Variants in ZDHHC13 observed in about 807,000 individuals in gnomAD.
The protein encoded by ZDHHC13 is palmitoyltransferase ZDHHC13.
ZDHHC13 carries 85 observed loss-of-function variants against 86.0 expected under a neutral mutation model. The observed-to-expected ratio is 0.99, with a 90% CI of 0.83 to 1.18. ZDHHC13 has a LOEUF of 1.18. Among genes scored for constraint, ZDHHC13 ranks in the 50% most tolerant of loss-of-function variants. The probability of loss-of-function intolerance (pLI) is 0.00; values close to 1 mark genes in which losing one functional copy is unlikely to be tolerated. For synonymous variants in ZDHHC13, 263 were observed against 246.4 expected (o/e 1.07, Z -0.63); for missense variants, 711 against 730.2 (o/e 0.97, Z 0.30).
chr11:19,162,930 G>A (rs1044651664), intron 10 of ZDHHC13, among the ~76,000 whole-genome samples: 1 of 152,076 alleles, frequency 6.6e-6, no homozygotes, highest in South Asian at 2.1e-4. Context: ...AATCAAGAGG[G>A]TTGTTTCTTT....
chr11:19,131,303 C>G (rs1848995466), intron 1 of ZDHHC13, among the ~76,000 whole-genome samples: 1 of 152,044 alleles, frequency 6.6e-6, no homozygotes, highest in Non-Finnish European at 1.5e-5. Flanking sequence ...ATTTTAAGAT[C>G]TCTTTATTAC....
At chr11:19,120,374 A>G (rs1312994779) in intron 1 of ZDHHC13, among the ~76,000 whole-genome samples, 1 of 152,232 alleles carries the variant, frequency 6.6e-6, no homozygotes, top group Non-Finnish European at 1.5e-5. Context: ...AACTTTCAGT[A>G]GAGACACCTA....
intron 10 of ZDHHC13, among the ~76,000 whole-genome samples, chr11:19,162,688 A>G (rs1352664377): frequency 1.3e-5 from 2 of 152,130 alleles, no homozygotes; most frequent in Non-Finnish European, 2.9e-5. Flanking sequence ...AAGTTAATCA[A>G]AATAGGAGCC....
intron 16 of ZDHHC13, among the ~76,000 whole-genome samples, chr11:19,174,815 A>G (rs1433371671): frequency 2.0e-5 from 3 of 152,196 alleles, no homozygotes. Context: ...AGGCCCACGC[A>G]TCTATGATCA....
chr11:19,135,692 A>G (rs1223611900), intron 1 of ZDHHC13, among the ~76,000 whole-genome samples: 1 of 152,210 alleles, frequency 6.6e-6, no homozygotes, highest in East Asian at 1.9e-4. Context: ...CTTTGAAGAG[A>G]GCAGTGGTTC....
chr11:19,155,739 A>T, intron 8 of ZDHHC13, 57 bp from the exon 9 acceptor site: 1 of 1,572,102 alleles, frequency 6.4e-7, no homozygotes, highest in South Asian at 1.2e-5. Context: ...TTGCACTATT[A>T]TTAGATACTT....
At chr11:19,139,314 A>T (rs185495420) in intron 1 of ZDHHC13, among the ~76,000 whole-genome samples, 2 of 152,110 alleles carry the variant, frequency 1.3e-5, no homozygotes, top group Admixed American at 1.3e-4. Flanking sequence ...CCCATTCACA[A>T]TTGCTTCAAA....
At chr11:19,125,722 G>A (rs1175615701) in intron 1 of ZDHHC13, among the ~76,000 whole-genome samples, 1 of 152,154 alleles carries the variant, frequency 6.6e-6, no homozygotes, top group Non-Finnish European at 1.5e-5. Context: ...TATCTGTGAC[G>A]CACCCATATA....
chr11:19,173,540 G>C (rs2133489041), intron 16 of ZDHHC13, among the ~76,000 whole-genome samples: 1 of 152,274 alleles, frequency 6.6e-6, no homozygotes. Context: ...TTTAAAGCAT[G>C]CTGTTGGTAC....
rs2133465233 is a variant in ZDHHC13, at chr11:19,165,050, A to C, written c.1297-2A>C. 6.2e-7 allele frequency: 1 copy of C among 1,611,642 alleles called. No homozygotes were observed. Among genetic ancestry groups the C allele is most frequent in the East Asian group, 2.2e-5 (1 of 44,846 alleles). On this transcript the variant is annotated splice_acceptor_variant, in intron 12 of 16. Coordinates refer to ENST00000446113, the MANE Select transcript of ZDHHC13 (RefSeq NM_019028.3). LOFTEE classifies it high-confidence loss of function. ...TTAGGCCTCTCTTAATTGCCCACTT[A>C]GATAAGGAAGCCATTAAGGTCACTC... is the stretch of plus-strand genomic sequence containing the variant.
At chr11:19,139,183 A>G (rs1391921948) in intron 1 of ZDHHC13, among the ~76,000 whole-genome samples, 1 of 151,738 alleles carries the variant, frequency 6.6e-6, no homozygotes, top group African/African-American at 2.4e-5. Context: ...TCAGCCCAAA[A>G]TCTCCTTAAG....
rs375837665 is a variant in ZDHHC13, at chr11:19,142,967, T to C, written c.28-11T>C. 1 of 1,597,652 alleles carries C rather than the reference T, an allele frequency of 6.3e-7. No individual in the cohort carries two copies. The highest frequency in any genetic ancestry group is 8.5e-7 in the Non-Finnish European group (1 of 1,171,028). ...TCTCTCATGCTTTGTCAAATGACTC[T>C]TACTCTTCAGTGCAGGAATCACAGC... is the stretch of plus-strand genomic sequence containing the variant. On this transcript the variant is annotated splice_polypyrimidine_tract_variant and intron_variant, in intron 1 of 16. Coordinates refer to ENST00000446113, the MANE Select transcript of ZDHHC13 (RefSeq NM_019028.3).
At chr11:19,164,141 A>G (rs1053483306) in intron 11 of ZDHHC13, 160 bp from the exon 12 acceptor site, 2 of 649,892 alleles carry the variant, frequency 3.1e-6, no homozygotes, top group African/African-American at 3.7e-5. Context: ...AACCTTGAAG[A>G]GTCACATCAT....
intron 1 of ZDHHC13, among the ~76,000 whole-genome samples, chr11:19,124,699 A>C (rs1261631500): frequency 6.6e-6 from 1 of 151,284 alleles, no homozygotes; most frequent in Non-Finnish European, 1.5e-5. Flanking sequence ...TAATGTTTTT[A>C]TTTACATTTT....
chr11:19,130,554 C>T (rs1280232413), intron 1 of ZDHHC13, among the ~76,000 whole-genome samples: 4 of 152,208 alleles, frequency 2.6e-5, no homozygotes, highest in Non-Finnish European at 4.4e-5. Flanking sequence ...TTATAGTTAA[C>T]GAATTCCTTC....
intron 1 of ZDHHC13, among the ~76,000 whole-genome samples, chr11:19,139,387 A>T (rs1313690252): frequency 2.0e-5 from 3 of 151,404 alleles, no homozygotes; most frequent in African/African-American, 7.3e-5. Flanking sequence ...AAGGAGAACT[A>T]CAAACCACTG....
intron 1 of ZDHHC13, among the ~76,000 whole-genome samples, chr11:19,124,342 A>C (rs1848824379): frequency 6.6e-6 from 1 of 152,134 alleles, no homozygotes; most frequent in Non-Finnish European, 1.5e-5. Flanking sequence ...TATATGTTAA[A>C]ATATATATAC....
intron 12 of ZDHHC13, 58 bp downstream of exon 12, chr11:19,164,421 TG>T (rs1308994462): frequency 1.3e-6 from 2 of 1,510,266 alleles, no homozygotes; most frequent in Admixed American, 3.6e-5. Flanking sequence ...GTAACGTTGC[TG>T]ATGTAAGCAT....
At chr11:19,130,933 C>T (rs569988621) in intron 1 of ZDHHC13, among the ~76,000 whole-genome samples, 2 of 152,192 alleles carry the variant, frequency 1.3e-5, no homozygotes, top group South Asian at 4.2e-4. Flanking sequence ...GCAACCTCCG[C>T]CTCCTGGGCC....
Sources: gnomAD v4.1 joint callset for allele counts (sites outside exome capture counted in the v4.1 genomes callset) on GRCh38, gnomAD v4.1.1 for gene constraint, MANE v1.5 for transcripts, NCBI Gene and HGNC (gene_info 2026-07-23, HGNC 2026-07-21) for gene names.